Variants in UBR3 observed in about 807,000 individuals in gnomAD.
The protein encoded by UBR3 is E3 ubiquitin-protein ligase UBR3.
UBR3 carries 85 observed loss-of-function variants against 243.2 expected under a neutral mutation model. The observed-to-expected ratio is 0.35, with a 90% CI of 0.29 to 0.42. UBR3 has a LOEUF of 0.42. UBR3 is among the 10% of genes least tolerant of loss of function. The probability of loss-of-function intolerance (pLI) is 1.00; values close to 1 mark genes in which losing one functional copy is unlikely to be tolerated. For synonymous variants in UBR3, 748 were observed against 799.8 expected (o/e 0.94, Z 1.09); for missense variants, 1,686 against 2,300.8 (o/e 0.73, Z 5.47).
chr2:170,029,408 C>T lies in UBR3; in HGVS notation c.4516C>T (p.Pro1506Ser). The T allele has an allele frequency of 6.2e-7, 1 of 1,611,566 alleles. No homozygotes were observed. Among genetic ancestry groups the T allele is most frequent in the Non-Finnish European group, 8.5e-7 (1 of 1,178,658 alleles). ...RLYSIDSEYN[P>S]WRKLTQLEEM... is the part of the protein sequence containing the mutation. ...TTATAGCATTGACTCTGAGTATAAT[C>T]CCTGGAGAAAGCTCACCCAGTTAGA... The change falls in exon 31 of 39, where the codon CCC becomes TCC. Residue 1506 changes from proline to serine, a missense_variant. By Grantham distance (74) the Pro-to-Ser change is moderately conservative (BLOSUM62 -1). This residue lies in a region of UBR3 where 371 missense variants were observed against 422.5 expected (regional missense o/e 0.88). Transcript: ENST00000272793.
At chr2:170,016,920 G>T (rs751830023) in intron 30 of UBR3, 1 of 735,120 alleles carries the variant, frequency 1.4e-6, no homozygotes. Context: ...TATCCTAAAT[G>T]TAAGTTAATA....
intron 19 of UBR3, among the ~76,000 whole-genome samples, chr2:169,941,085 A>T (rs73015786): frequency 0.044 from 6,626 of 152,204 alleles, 165 homozygotes; most frequent in Middle Eastern, 0.068. Flanking sequence ...CCTCCTTCTG[A>T]TGACATGTTG....
chr2:169,865,843 T>C (rs2083239433), intron 1 of UBR3, among the ~76,000 whole-genome samples: 1 of 152,160 alleles, frequency 6.6e-6, no homozygotes, highest in African/African-American at 2.4e-5. Context: ...GGCCAGATTC[T>C]CTTTTATCTT....
chr2:169,976,357 T>C (rs576274411), intron 24 of UBR3, among the ~76,000 whole-genome samples: 1 of 152,264 alleles, frequency 6.6e-6, no homozygotes, highest in South Asian at 2.1e-4. Flanking sequence ...GTGAGTTTTA[T>C]ACTTTTTCAT....
intron 33 of UBR3, among the ~76,000 whole-genome samples, chr2:170,060,211 A>G (rs1181109113): frequency 6.6e-6 from 1 of 152,144 alleles, no homozygotes; most frequent in African/African-American, 2.4e-5. Context: ...TTTACATTTT[A>G]TGGTAATTTG....
At chr2:170,070,066 G>T in intron 35 of UBR3, among the ~76,000 whole-genome samples, 1 of 151,914 alleles carries the variant, frequency 6.6e-6, no homozygotes, top group African/African-American at 2.4e-5. Flanking sequence ...GAATACAGAG[G>T]GCTATTTCTT....
Position 169,986,799 on chromosome 2 carries a change from A to T in UBR3, c.3784+5A>T. On this transcript the variant is annotated splice_donor_5th_base_variant and intron_variant, in intron 25 of 38. Coordinates refer to ENST00000272793, the MANE Select transcript of UBR3 (RefSeq NM_172070.4). ...TACTGTTACAAGCATCCTCAGGTAA[A>T]ATCAAAGTAATTTTTTCATGGGAAC... 1.2e-6 allele frequency: 2 copies of T among 1,613,442 alleles called. No homozygotes were observed. The highest frequency in any genetic ancestry group is 1.7e-6 in the Non-Finnish European group (2 of 1,179,812).
intron 4 of UBR3, among the ~76,000 whole-genome samples, chr2:169,878,234 G>A (rs966361339): frequency 2.0e-5 from 3 of 152,032 alleles, no homozygotes; most frequent in South Asian, 2.1e-4. Context: ...GCTGGCAGGC[G>A]CCTGTAAGCC....
intron 31 of UBR3, among the ~76,000 whole-genome samples, chr2:170,039,452 A>G (rs1431895540): frequency 1.3e-5 from 2 of 152,072 alleles, no homozygotes; most frequent in South Asian, 2.1e-4. Flanking sequence ...ATCAGGATTC[A>G]TAGCATTAAT....
At chr2:169,870,424 C>T (rs749595864) in intron 1 of UBR3, among the ~76,000 whole-genome samples, 6 of 149,164 alleles carry the variant, frequency 4.0e-5, no homozygotes, top group Non-Finnish European at 6.0e-5. Flanking sequence ...CCACCATGTC[C>T]GGCCCATTGT....
intron 24 of UBR3, 26 bp downstream of exon 24, chr2:169,958,552 C>A (rs776575393): frequency 1.3e-6 from 2 of 1,587,786 alleles, no homozygotes; most frequent in South Asian, 2.2e-5. Flanking sequence ...TAGTTTAGAA[C>A]TCTCATAATT....
chr2:169,991,290 A>C (rs1395361927), intron 25 of UBR3, among the ~76,000 whole-genome samples: 1 of 152,220 alleles, frequency 6.6e-6, no homozygotes, highest in Non-Finnish European at 1.5e-5. Flanking sequence ...ACAGAAGATC[A>C]GAAAGGAAAC....
chr2:169,940,038 C>G (rs2086518559), intron 19 of UBR3, among the ~76,000 whole-genome samples: 1 of 151,812 alleles, frequency 6.6e-6, no homozygotes, highest in Non-Finnish European at 1.5e-5. Flanking sequence ...TTAACATTAC[C>G]TTTTACACAG....
intron 2 of UBR3, among the ~76,000 whole-genome samples, chr2:169,873,228 A>T (rs1574091512): frequency 6.6e-6 from 1 of 152,172 alleles, no homozygotes; most frequent in South Asian, 2.1e-4. Context: ...CTTAAAGTGT[A>T]GGGGAATGTT....
At chr2:169,980,617 CT>C (rs1170347862) in intron 24 of UBR3, among the ~76,000 whole-genome samples, 55 of 144,218 alleles carry the variant, frequency 3.8e-4, no homozygotes, top group African/African-American at 3.0e-4. Context: ...ATCTTGGTTT[CT>C]TTTTTTTTTT....
intron 24 of UBR3, among the ~76,000 whole-genome samples, chr2:169,970,869 T>G: frequency 1.3e-5 from 2 of 148,324 alleles, no homozygotes; most frequent in Non-Finnish European, 3.0e-5. Flanking sequence ...CAAATGGTAT[T>G]TCCAGTTCTA....
At chr2:169,878,429 A>C (rs1208684280) in intron 4 of UBR3, 96 bp from the exon 5 acceptor site, 1 of 1,276,104 alleles carries the variant, frequency 7.8e-7, no homozygotes, top group African/African-American at 1.5e-5. Flanking sequence ...ACGTAACAAA[A>C]CTTAGCTTTT....
rs34846378 is a variant in UBR3, at chr2:170,057,118, CTT to C, written c.4785+1550_4785+1551del. Among the ~76,000 whole-genome samples, 65 of 135,834 alleles carry C rather than the reference CTT, an allele frequency of 4.8e-4. No homozygotes were observed. The East Asian group carries it at 6.5e-3, about 14-fold the overall frequency. 89.1% of individuals were successfully genotyped at this position (135,834 alleles called of 152,430 possible). A position where few individuals can be genotyped will look rare whatever the true frequency, so the allele number is the denominator to read the frequency against. Reference sequence around the variant, plus strand: ...TTTTTGTAATTATCTTTAGTTTTTTCTTTTTTTTTTTTTTTTTGAGACAGGGT... The same window carrying C: ...TTTTTGTAATTATCTTTAGTTTTTTCTTTTTTTTTTTTTTTGAGACAGGGT... On this transcript the variant is annotated intron_variant, in intron 33 of 38. Transcript: ENST00000272793.
chr2:169,843,832 C>CT (rs761073747), intron 1 of UBR3, among the ~76,000 whole-genome samples: 2 of 152,004 alleles, frequency 1.3e-5, no homozygotes, highest in African/African-American at 2.4e-5. Flanking sequence ...GCACCCTCCT[C>CT]TTTATTTTGT....
Sources: gnomAD v4.1 joint callset for allele counts (sites outside exome capture counted in the v4.1 genomes callset) on GRCh38, gnomAD v4.1.1 for gene constraint, gnomAD v4.1.1 regional missense constraint, MANE v1.5 for transcripts, NCBI Gene and HGNC (gene_info 2026-07-23, HGNC 2026-07-21) for gene names.